Variants in CFDP1 observed in about 807,000 individuals in gnomAD.
CFDP1 encodes chromatin remodeling protein CFDP1.
CFDP1 carries 31 observed loss-of-function variants against 40.1 expected under a neutral mutation model. The observed-to-expected ratio is 0.77, with a 90% CI of 0.58 to 1.04. The LOEUF (loss-of-function observed/expected upper bound fraction) is 1.04. Ranked by LOEUF, CFDP1 falls within the 50% of genes least tolerant of loss-of-function variation. The pLI is 0.00. For synonymous variants in CFDP1, 167 were observed against 120.0 expected, an observed-to-expected ratio of 1.39 and a Z score of -2.56; for missense variants, 423 against 343.4, an observed-to-expected ratio of 1.23 and a Z score of -1.83.
intron 5 of CFDP1, among the ~76,000 whole-genome samples, chr16:75,390,562 C>G (rs549385206): frequency 6.6e-6 from 1 of 152,350 alleles, no homozygotes; most frequent in African/African-American, 2.4e-5. Context: ...AGCACTCTCT[C>G]TCTCCCCAGA....
At chr16:75,353,528 G>A (rs1197035840) in intron 5 of CFDP1, among the ~76,000 whole-genome samples, 3 of 151,952 alleles carry the variant, frequency 2.0e-5, no homozygotes, top group Admixed American at 6.6e-5. Context: ...TTGGGAGGCC[G>A]AGGCGGGCAG....
intron 5 of CFDP1, chr16:75,305,553 C>G: frequency 5.1e-6 from 1 of 195,998 alleles, no homozygotes; most frequent in Non-Finnish European, 1.1e-5. Flanking sequence ...GACTCTAGGC[C>G]AGTTATTTAC....
intron 4 of CFDP1, among the ~76,000 whole-genome samples, chr16:75,407,780 G>T (rs971628974): frequency 6.6e-6 from 1 of 151,774 alleles, no homozygotes; most frequent in African/African-American, 2.4e-5. Context: ...ATTGAAAATG[G>T]CTATAATGAA....
At chr16:75,409,954 G>A (rs1038379972) in intron 4 of CFDP1, among the ~76,000 whole-genome samples, 2 of 149,276 alleles carry the variant, frequency 1.3e-5, no homozygotes, top group African/African-American at 2.5e-5. Context: ...AGGCAGAGTA[G>A]TACATCCCTG....
intron 1 of CFDP1, among the ~76,000 whole-genome samples, chr16:75,416,054 T>C (rs756111102): frequency 3.9e-5 from 6 of 152,180 alleles, no homozygotes; most frequent in Non-Finnish European, 5.9e-5. Flanking sequence ...GGTTTTATCA[T>C]GTTGGCCAGG....
intron 1 of CFDP1, among the ~76,000 whole-genome samples, chr16:75,427,264 T>C (rs913190347): frequency 2.0e-5 from 3 of 152,064 alleles, no homozygotes; most frequent in African/African-American, 7.2e-5. Context: ...TTTTCTTTTT[T>C]TTTCGAGACA....
intron 1 of CFDP1, among the ~76,000 whole-genome samples, chr16:75,422,022 T>C (rs2079286021): frequency 6.6e-6 from 1 of 152,190 alleles, no homozygotes; most frequent in African/African-American, 2.4e-5. Flanking sequence ...GTTTAGGAAA[T>C]AATGACAAGG....
chr16:75,315,740 C>G (rs987717502), intron 5 of CFDP1, among the ~76,000 whole-genome samples: 8 of 152,116 alleles, frequency 5.3e-5, no homozygotes, highest in Non-Finnish European at 1.0e-4. Flanking sequence ...ATCATTTCAC[C>G]TCTACATACC....
intron 4 of CFDP1, among the ~76,000 whole-genome samples, chr16:75,411,228 AAAAC>A (rs2079159840): frequency 1.3e-5 from 2 of 151,902 alleles, no homozygotes; most frequent in Non-Finnish European, 2.9e-5. Flanking sequence ...AAAAAAAACA[AAAAC>A]AAAACAAAAA....
chr16:75,298,711 A>G (rs1362850524), intron 6 of CFDP1, among the ~76,000 whole-genome samples: 1 of 152,178 alleles, frequency 6.6e-6, no homozygotes, highest in East Asian at 1.9e-4. Context: ...TCCCGCCTTC[A>G]GGAGGATTTA....
At chr16:75,328,107 G>C (rs1212405364) in intron 5 of CFDP1, among the ~76,000 whole-genome samples, 1 of 150,470 alleles carries the variant, frequency 6.6e-6, no homozygotes, top group East Asian at 2.0e-4. Flanking sequence ...TGGTATGAGA[G>C]TGTTAAATCC....
At chr16:75,346,670 C>T (rs1356887097) in intron 5 of CFDP1, among the ~76,000 whole-genome samples, 32 of 142,036 alleles carry the variant, frequency 2.3e-4, no homozygotes, top group East Asian at 2.2e-4. Flanking sequence ...TTTATATAAT[C>T]GATATTGGAT....
chr16:75,382,158 T>C (rs1001680976), intron 5 of CFDP1, among the ~76,000 whole-genome samples: 3 of 151,740 alleles, frequency 2.0e-5, no homozygotes, highest in African/African-American at 7.3e-5. Flanking sequence ...CATACCAGTC[T>C]TACTGAGAAG....
chr16:75,356,991 G>C (rs2078649297), intron 5 of CFDP1, among the ~76,000 whole-genome samples: 1 of 140,884 alleles, frequency 7.1e-6, no homozygotes. Context: ...TTGACTCACT[G>C]CAACCTCCGC....
intron 1 of CFDP1, among the ~76,000 whole-genome samples, chr16:75,418,182 G>A (rs1305047510): frequency 6.8e-6 from 1 of 147,918 alleles, no homozygotes; most frequent in Non-Finnish European, 1.5e-5. Flanking sequence ...GAACCTGGGG[G>A]GCGGAGGTTG....
chr16:75,330,213 T>A (rs1555554868), intron 5 of CFDP1, among the ~76,000 whole-genome samples: 1 of 152,220 alleles, frequency 6.6e-6, no homozygotes, highest in Non-Finnish European at 1.5e-5. Flanking sequence ...GGCTTGGAGA[T>A]AAACTGAAAT....
intron 5 of CFDP1, among the ~76,000 whole-genome samples, chr16:75,326,370 T>G (rs1056346399): frequency 1.3e-5 from 2 of 152,178 alleles, no homozygotes; most frequent in African/African-American, 4.8e-5. Context: ...ATTGGAGCAA[T>G]TATCTCACTC....
Position 75,414,615 on chromosome 16 carries a change from G to C in CFDP1, c.145C>G (p.Gln49Glu), listed in dbSNP as rs762920022. 2.5e-6 allele frequency: 4 copies of C among 1,613,152 alleles called. No homozygotes were observed. In the South Asian group the frequency reaches 4.4e-5, roughly 18 times the overall value. Residue 49 changes from glutamine to glutamate, a missense_variant, in exon 2 of 7, where the codon CAA becomes GAA. Transcript: ENST00000283882. ...VDGEEQTQKT[Q>E]GKKRKAQSIP... ...CTCTGGGCCTTTCTTTTTTTCCCTT[G>C]GGTTTTCTGTGTCTGCTCTTCACCA...
intron 5 of CFDP1, among the ~76,000 whole-genome samples, chr16:75,332,964 T>C (rs1364760571): frequency 6.7e-6 from 1 of 148,970 alleles, no homozygotes. Context: ...CCTGCCACCA[T>C]GCCCGGCTAA....
Sources: gnomAD v4.1 joint callset for allele counts (sites outside exome capture counted in the v4.1 genomes callset) on GRCh38, gnomAD v4.1.1 for gene constraint, MANE v1.5 for transcripts, NCBI Gene and HGNC (gene_info 2026-07-23, HGNC 2026-07-21) for gene names.